The following AP2B1 variants were observed in gnomAD, a reference collection of about 807,000 sequenced individuals.
The protein encoded by AP2B1 is adaptor related protein complex 2 subunit beta 1.
A neutral mutation model predicts 102.0 loss-of-function variants in AP2B1; 23 were observed. That is an observed-to-expected ratio of 0.23 (90% confidence interval 0.16 to 0.32). AP2B1 has a LOEUF of 0.32. Ranked by LOEUF, AP2B1 falls within the 10% of genes least tolerant of loss-of-function variation. AP2B1 has a pLI of 1.00. For missense variants in AP2B1, 541 were observed against 1,157.4 expected (o/e 0.47, Z 7.73); for synonymous variants, 381 against 421.2 (o/e 0.90, Z 1.17).
chr17:35,682,654 C>G (rs587740775), intron 17 of AP2B1, 41 bp from the exon 18 acceptor site: 2 of 1,581,658 alleles, frequency 1.3e-6, no homozygotes, highest in East Asian at 2.3e-5. Flanking sequence ...TAAATTCTGC[C>G]TCTTGATTAA....
intron 6 of AP2B1, among the ~76,000 whole-genome samples, chr17:35,625,424 G>A (rs2074287964): frequency 1.3e-5 from 2 of 152,090 alleles, no homozygotes; most frequent in South Asian, 4.1e-4. Flanking sequence ...TTCCATCACT[G>A]AAAGTACAAA....
intron 3 of AP2B1, among the ~76,000 whole-genome samples, chr17:35,600,295 C>G (rs2073434342): frequency 6.6e-6 from 1 of 152,014 alleles, no homozygotes; most frequent in Non-Finnish European, 1.5e-5. Flanking sequence ...GTTGGCCAGG[C>G]TGGTCTCGAA....
intron 18 of AP2B1, among the ~76,000 whole-genome samples, chr17:35,697,865 G>A (rs2076170511): frequency 6.6e-6 from 1 of 152,150 alleles, no homozygotes; most frequent in South Asian, 2.1e-4. Flanking sequence ...GGGAGGCTGA[G>A]GCAGGAAAAT....
intron 18 of AP2B1, among the ~76,000 whole-genome samples, chr17:35,707,341 C>G (rs587595248): frequency 6.6e-6 from 1 of 151,916 alleles, no homozygotes; most frequent in Admixed American, 6.6e-5. Flanking sequence ...TTAGTAGAGA[C>G]AGGGTTTCAC....
intron 20 of AP2B1, among the ~76,000 whole-genome samples, chr17:35,711,982 G>A (rs1555587785): frequency 1.3e-5 from 2 of 152,130 alleles, no homozygotes; most frequent in African/African-American, 4.8e-5. Context: ...ATTCAGACAG[G>A]CATCTTTGCA....
At chr17:35,723,513 T>C in intron 21 of AP2B1, 112 bp from the exon 22 acceptor site, 1 of 688,598 alleles carries the variant, frequency 1.5e-6, no homozygotes, top group African/African-American at 1.8e-5. Flanking sequence ...ACTCCAGTGA[T>C]AGAAGTTTCT....
chr17:35,713,085 T>C (rs2076484254), intron 20 of AP2B1, among the ~76,000 whole-genome samples: 2 of 152,256 alleles, frequency 1.3e-5, no homozygotes, highest in Admixed American at 6.5e-5. Flanking sequence ...TGAACTCTTA[T>C]TGCACCTCGG....
At chr17:35,626,890 A>G (rs2074329616) in intron 7 of AP2B1, 48 bp downstream of exon 7, 1 of 1,518,354 alleles carries the variant, frequency 6.6e-7, no homozygotes, top group Non-Finnish European at 9.1e-7. Flanking sequence ...ATTTTGCATT[A>G]AGCTTAATAA....
chr17:35,633,447 T>C (rs535136216), intron 9 of AP2B1, among the ~76,000 whole-genome samples: 1 of 152,084 alleles, frequency 6.6e-6, no homozygotes, highest in East Asian at 1.9e-4. Context: ...CAAGGTACAG[T>C]TTTGTTTTTA....
intron 13 of AP2B1, among the ~76,000 whole-genome samples, chr17:35,653,093 A>G (rs1177598597): frequency 6.6e-6 from 1 of 152,196 alleles, no homozygotes; most frequent in African/African-American, 2.4e-5. Flanking sequence ...GGTTGTATCA[A>G]AAGGTTCAAT....
In AP2B1 at chr17:35,657,300, T is replaced by C. The variant is rs77731112; in HGVS notation, c.1797-299T>C. Among the ~76,000 whole-genome samples the C allele has an allele frequency of 8.5e-3, 1,292 of 152,306 alleles. 11 individuals carry two copies. Among genetic ancestry groups the C allele is most frequent in the African/African-American group, 0.026 (1,068 of 41,570 alleles). On this transcript the variant is annotated intron_variant, in intron 13 of 21. Transcript: ENST00000610402. The stretch of plus-strand genomic sequence containing the variant: ...ATTTTACAGTTTCTACAGAGAACCA[T>C]AGAATTCTCCTTACAGTGTTCCCTC...
chr17:35,717,498 C>A, intron 21 of AP2B1, 149 bp downstream of exon 21: 2 of 875,478 alleles, frequency 2.3e-6, no homozygotes, highest in Non-Finnish European at 3.5e-6. Context: ...CTTCCATTTG[C>A]CTCAATGGAA....
chr17:35,699,153 G>A (rs1038993030), intron 18 of AP2B1, among the ~76,000 whole-genome samples: 1 of 152,188 alleles, frequency 6.6e-6, no homozygotes, highest in Non-Finnish European at 1.5e-5. Context: ...GCTTTACTAA[G>A]AGAGATTGGC....
intron 3 of AP2B1, chr17:35,601,058 T>C (rs2073463643): frequency 1.0e-6 from 1 of 953,276 alleles, no homozygotes; most frequent in East Asian, 1.2e-4. Flanking sequence ...AACGTTTTTG[T>C]AAAGGACAAA....
At chr17:35,714,307 T>C in intron 20 of AP2B1, among the ~76,000 whole-genome samples, 1 of 152,226 alleles carries the variant, frequency 6.6e-6, no homozygotes, top group East Asian at 1.9e-4. Context: ...GTAAAAAGCA[T>C]TCTTTTCAGC....
At position 35,624,653 on chromosome 17, in the gene AP2B1, A is replaced by G. The variant is rs74670369; in HGVS notation, c.716+66A>G. 8.5e-5 allele frequency: 125 copies of G among 1,465,870 alleles called. No individual in the cohort carries two copies. In the East Asian group the frequency reaches 2.8e-3, roughly 33 times the overall value. The allele number at this position is 1,465,870 out of a possible 1,614,324, so 90.8% of individuals were successfully genotyped here. Reference sequence around the variant, plus strand: ...GATGCAGTAAGTTCTGGAGTCTGCTATTAGAATAAATCTGTTGAGGAAGGT... The same window carrying G: ...GATGCAGTAAGTTCTGGAGTCTGCTGTTAGAATAAATCTGTTGAGGAAGGT... On this transcript the variant is annotated intron_variant, in intron 6 of 21. Coordinates refer to ENST00000610402, the MANE Select transcript of AP2B1 (RefSeq NM_001030006.2).
intron 21 of AP2B1, among the ~76,000 whole-genome samples, chr17:35,720,675 G>A (rs1473463984): frequency 7.0e-6 from 1 of 143,176 alleles, no homozygotes; most frequent in Non-Finnish European, 1.5e-5. Context: ...TCCCATCTCG[G>A]CCTCCCAAAG....
At chr17:35,682,053 G>A (rs1386886844) in intron 17 of AP2B1, among the ~76,000 whole-genome samples, 2 of 151,968 alleles carry the variant, frequency 1.3e-5, no homozygotes, top group African/African-American at 2.4e-5. Context: ...TCAGGAGTTC[G>A]AGACCAGCCT....
At chr17:35,688,023 A>G (rs1211160811) in intron 18 of AP2B1, among the ~76,000 whole-genome samples, 2 of 152,198 alleles carry the variant, frequency 1.3e-5, no homozygotes, top group East Asian at 1.9e-4. Flanking sequence ...TTCAAAGTAT[A>G]CTATTGGTTT....
Sources: gnomAD v4.1 joint callset for allele counts (sites outside exome capture counted in the v4.1 genomes callset) on GRCh38, gnomAD v4.1.1 for gene constraint, MANE v1.5 for transcripts, NCBI Gene and HGNC (gene_info 2026-07-23, HGNC 2026-07-21) for gene names.